Variants in CPSF1 observed in about 807,000 individuals in gnomAD.
CPSF1 encodes cleavage and polyadenylation specificity factor subunit 1.
Under a neutral mutation model 175.8 loss-of-function variants are expected in CPSF1, and 106 were observed. The observed-to-expected ratio is 0.60, with a 90% CI of 0.52 to 0.71. The LOEUF is 0.71. Among genes scored for constraint, CPSF1 ranks in the 30% least tolerant of loss-of-function variants. The pLI is 0.00. For synonymous variants in CPSF1, 1,024 were observed against 858.3 expected, an observed-to-expected ratio of 1.19 and a Z score of -3.37; for missense variants, 1,734 against 2,022.9, an observed-to-expected ratio of 0.86 and a Z score of 2.74.
Position 144,399,264 on chromosome 8 carries a change from C to T in CPSF1, c.1392+12G>A. 6.2e-7 allele frequency: 1 copy of T among 1,612,378 alleles called. No individual in the cohort carries two copies. Among genetic ancestry groups the T allele is most frequent in the Non-Finnish European group, 8.5e-7 (1 of 1,179,866 alleles). ...GCTGGCTGGGACGGGGGCCCTGCTGCCTCAATCTCACCTCAAAGGAGTAGG... is the reference window on the plus strand; with the variant it reads ...GCTGGCTGGGACGGGGGCCCTGCTGTCTCAATCTCACCTCAAAGGAGTAGG... On this transcript the variant is annotated intron_variant, in intron 14 of 37. Coordinates refer to ENST00000616140, the MANE Select transcript of CPSF1 (RefSeq NM_013291.3). The surrounding 1 kb of genome is among the most constrained non-coding windows in gnomAD (Gnocchi z 6.4).
Position 144,396,346 on chromosome 8 carries a change from A to G in CPSF1, c.2979+2T>C, listed in dbSNP as rs1554863680. On this transcript the variant is annotated splice_donor_variant, in intron 26 of 37. Transcript: ENST00000616140. LOFTEE classifies it high-confidence loss of function. Reference sequence around the variant, plus strand: ...TGCTGCTGGGAACCGGCCGGGCCCCACCTGTCTGTTGAAGTACAGGAAGCC... The same window carrying G: ...TGCTGCTGGGAACCGGCCGGGCCCCGCCTGTCTGTTGAAGTACAGGAAGCC... 6.3e-7 allele frequency: 1 copy of G among 1,582,664 alleles called. No individual in the cohort carries two copies. Among genetic ancestry groups the G allele is most frequent in the African/African-American group, 1.3e-5 (1 of 74,752 alleles).
At position 144,397,606 on chromosome 8, in the gene CPSF1, T is replaced by C; in HGVS notation, c.2266A>G (p.Ser756Gly). The C allele has an allele frequency of 6.5e-7, 1 of 1,535,994 alleles. No individual in the cohort carries two copies. The highest frequency in any genetic ancestry group is 1.4e-5 in the African/African-American group (1 of 72,864). Residue 756 changes from serine to glycine, a missense_variant, in exon 22 of 38, where the codon AGC becomes GGC. Physicochemically the swap from Ser to Gly is moderately conservative, Grantham distance 56. Coordinates refer to ENST00000616140, the MANE Select transcript of CPSF1 (RefSeq NM_013291.3). ...CTTCGGGCCTCCTCCTTGCTGGGGC[T>C]GAAGAGGGAGCCCGAATCCCCATAC... The part of the protein sequence containing the change: ...MLYGDSGSLF[S>G]PSKEEARRSS...
Position 144,396,504 on chromosome 8 carries a change from G to C in CPSF1, c.2827-4C>G, listed in dbSNP as rs1820747079. On this transcript the variant is annotated splice_region_variant and splice_polypyrimidine_tract_variant and intron_variant, in intron 25 of 37. Coordinates refer to ENST00000616140, the MANE Select transcript of CPSF1 (RefSeq NM_013291.3). Reference sequence around the variant, plus strand: ...GGGAGGGGCCGCAGATGAAGACCTGGGGGCAGGCACCGTGAGGATGCTGTG... The same window carrying C: ...GGGAGGGGCCGCAGATGAAGACCTGCGGGCAGGCACCGTGAGGATGCTGTG... The C allele has an allele frequency of 6.2e-7, 1 of 1,611,536 alleles. No homozygotes were observed. Among genetic ancestry groups the C allele is most frequent in the Non-Finnish European group, 8.5e-7 (1 of 1,179,244 alleles).
chr8:144,398,915 C>G, intron 16 of CPSF1, 43 bp downstream of exon 16: 1 of 1,611,398 alleles, frequency 6.2e-7, no homozygotes. Flanking sequence ...TGAGCCCACC[C>G]AGGTCCCACC....
rs2116894245 is a variant in CPSF1 at position 144,403,275 on chromosome 8, T to G, written c.145-1602A>C. 9.1e-4 allele frequency among the ~76,000 whole-genome samples: 138 copies of G among 152,116 alleles called. 1 individual carries two copies. Among genetic ancestry groups the G allele is most frequent in the African/African-American group, 3.2e-3 (131 of 41,478 alleles). ...CCACGTCCAGCTAATTTTTGTATTT[T>G]TAGTACAGACAGGGTTTTGCCATGG... On this transcript the variant is annotated intron_variant, in intron 2 of 37. Transcript: ENST00000616140.
chr8:144,394,612 C>T (rs549098783), intron 31 of CPSF1, 32 bp downstream of exon 31: 17 of 1,601,706 alleles, frequency 1.1e-5, no homozygotes, highest in East Asian at 2.3e-5. Context: ...GAGGGTGAGC[C>T]GGGGGACACA....
At position 144,400,338 on chromosome 8, in the gene CPSF1, C is replaced by T. The variant is rs2116874555; in HGVS notation, c.826+16G>A. On this transcript the variant is annotated intron_variant, in intron 8 of 37. Coordinates refer to ENST00000616140, the MANE Select transcript of CPSF1 (RefSeq NM_013291.3). ...CTCTCTCCACACACTCCCCTATCCA[C>T]TCCCAGGACACACACCTATGGGCTT... is the stretch of plus-strand genomic sequence containing the variant. 6.8e-6 allele frequency: 11 copies of T among 1,613,842 alleles called. No individual in the cohort carries two copies. The highest frequency in any genetic ancestry group is 7.6e-6 in the Non-Finnish European group (9 of 1,179,950).
chr8:144,397,906 G>A (rs1820873305), intron 20 of CPSF1, 27 bp from the exon 21 acceptor site: 2 of 1,598,706 alleles, frequency 1.3e-6, no homozygotes, highest in Admixed American at 1.7e-5. Flanking sequence ...GGGCTCAGCG[G>A]CGGGCAAGGG....
At chr8:144,400,135 G>GGGGGGGGGCCCCCCCCCCCCCCCCCCC in intron 9 of CPSF1, 31 bp downstream of exon 9, 1 of 896,008 alleles carries the variant, frequency 1.1e-6, no homozygotes, top group Non-Finnish European at 1.6e-6. Flanking sequence ...CCGTCCCCGG[G>GGGGGGGGGCCCCCCCCCCCCCCCCCCC]CCCCCCCCGC....
Position 144,401,629 on chromosome 8 carries a change from C to T in CPSF1, c.172+17G>A, listed in dbSNP as rs2116886241. The T allele has an allele frequency of 6.2e-6, 10 of 1,611,456 alleles. No homozygotes were observed. Among genetic ancestry groups the T allele is most frequent in the South Asian group, 3.3e-5 (3 of 90,556 alleles). ...GCCTGGCACCCGCACAGCCCCAGGC[C>T]GCCCCACCACACTCACCTGTGCTCC... On this transcript the variant is annotated intron_variant, in intron 3 of 37. Coordinates refer to ENST00000616140, the MANE Select transcript of CPSF1 (RefSeq NM_013291.3).
At position 144,408,995 on chromosome 8, in the gene CPSF1, G is replaced by T; in HGVS notation, c.144+20C>A. 1.5e-5 allele frequency: 24 copies of T among 1,609,712 alleles called. No homozygotes were observed. The highest frequency in any genetic ancestry group is 2.0e-5 in the Non-Finnish European group (24 of 1,177,998). On this transcript the variant is annotated intron_variant, in intron 2 of 37. Transcript: ENST00000616140. ...ACCCACGTCGCGGACAGCCGGGAGGGCTCCCAGGGCCCGACCTACCTCGGC... is the reference window on the plus strand; with the variant it reads ...ACCCACGTCGCGGACAGCCGGGAGGTCTCCCAGGGCCCGACCTACCTCGGC...
rs1554864000 is a variant in CPSF1, at chr8:144,396,851, G to A, written c.2671C>T (p.Arg891Cys). The change falls in exon 24 of 38, where the codon CGC becomes TGC. Residue 891 changes from arginine to cysteine, a missense_variant. Arg to Cys is a radical substitution (Grantham distance 180, BLOSUM62 -3). Coordinates refer to ENST00000616140, the MANE Select transcript of CPSF1 (RefSeq NM_013291.3). ...SQLGQGNLKV[R>C]FKKVPHNINF... is the part of the protein sequence containing the mutation. ...CCAGCCACTGGCACCTTCTTAAAGC[G>A]GACTTTGAGATTGCCCTGGCCGAGC... The A allele has an allele frequency of 3.7e-6, 6 of 1,613,848 alleles. No individual in the cohort carries two copies. Among genetic ancestry groups the A allele is most frequent in the Admixed American group, 1.7e-5 (1 of 59,982 alleles).
Position 144,400,134 on chromosome 8 carries a change from G to GCCCCCC in CPSF1, c.937+31_937+32insGGGGGG, listed in dbSNP as rs782373475. The GCCCCCC allele has an allele frequency of 1.5e-4, 148 of 966,348 alleles. 3 individuals are homozygous for GCCCCCC. Among genetic ancestry groups the GCCCCCC allele is most frequent in the South Asian group, 2.5e-4 (16 of 62,884 alleles). The allele number at this position is 966,348 out of a possible 1,614,324, so 59.9% of individuals were successfully genotyped here. ...ACTAGGCAGGCCCAAGCCGTCCCCG[G>GCCCCCC]GCCCCCCCCGCCCCAGCCACCCCAC... is the stretch of plus-strand genomic sequence containing the variant. On this transcript the variant is annotated intron_variant, in intron 9 of 37. Coordinates refer to ENST00000616140, the MANE Select transcript of CPSF1 (RefSeq NM_013291.3).
At chr8:144,402,808 C>T (rs1554867759) in intron 2 of CPSF1, among the ~76,000 whole-genome samples, 1 of 152,114 alleles carries the variant, frequency 6.6e-6, no homozygotes, top group African/African-American at 2.4e-5. Context: ...GACGGCACCG[C>T]AGGTGGCTCA....
intron 26 of CPSF1, 183 bp downstream of exon 26, chr8:144,396,165 T>C (rs888787431): frequency 3.3e-5 from 22 of 662,078 alleles, no homozygotes; most frequent in African/African-American, 1.8e-4. Flanking sequence ...CAACCACCCC[T>C]TTCCAGACCT....
chr8:144,405,697 G>C (rs2116902963), intron 2 of CPSF1, among the ~76,000 whole-genome samples: 1 of 152,198 alleles, frequency 6.6e-6, no homozygotes, highest in East Asian at 1.9e-4. Flanking sequence ...CTGGGCTGGA[G>C]GCTGCCTTTA....
chr8:144,401,996 T>A (rs1216386872), intron 2 of CPSF1, among the ~76,000 whole-genome samples: 1 of 152,132 alleles, frequency 6.6e-6, no homozygotes, highest in Admixed American at 6.5e-5. Flanking sequence ...CCCCCAAACC[T>A]GCCTGGTTGC....
chr8:144,406,410 G>A (rs1821501563), intron 2 of CPSF1, among the ~76,000 whole-genome samples: 2 of 152,274 alleles, frequency 1.3e-5, no homozygotes, highest in East Asian at 3.9e-4. Context: ...CCTCCCAGCT[G>A]CCTTCCCTGG....
At position 144,399,102 on chromosome 8, in the gene CPSF1, C is replaced by A; in HGVS notation, c.1467+26G>T. The A allele has an allele frequency of 1.3e-6, 2 of 1,549,534 alleles. No individual in the cohort carries two copies. Among genetic ancestry groups the A allele is most frequent in the Non-Finnish European group, 8.7e-7 (1 of 1,147,346 alleles). On this transcript the variant is annotated intron_variant, in intron 15 of 37. Transcript: ENST00000616140. This position sits in a 1 kb window ranked among gnomAD's most constrained non-coding sequence, Gnocchi z 6.4. ...CCCCCTCACACTCCAGCCCCTGCCC[C>A]CAGCCCCGACCCCAACCCTGGGCAC...
Sources: gnomAD v4.1 joint callset for allele counts (sites outside exome capture counted in the v4.1 genomes callset) on GRCh38, gnomAD v4.1.1 for gene constraint, Gnocchi (gnomAD v3.1) non-coding constraint, MANE v1.5 for transcripts, NCBI Gene and HGNC (gene_info 2026-07-23, HGNC 2026-07-21) for gene names.